The following PPFIA1 variants were observed in gnomAD, a reference collection of about 807,000 sequenced individuals.
The protein encoded by PPFIA1 is PPFI scaffold protein A1, also known as liprin-alpha-1.
A neutral mutation model predicts 149.9 loss-of-function variants in PPFIA1; 25 were observed. That is an observed-to-expected ratio of 0.17 (90% CI 0.12 to 0.23). The LOEUF is 0.23. Among genes scored for constraint, PPFIA1 ranks in the 10% least tolerant of loss-of-function variants. The pLI is 1.00. For synonymous variants in PPFIA1, 549 were observed against 552.8 expected (o/e 0.99, Z 0.10); for missense variants, 1,362 against 1,506.5 (o/e 0.90, Z 1.59).
intron 26 of PPFIA1, among the ~76,000 whole-genome samples, chr11:70,380,079 A>T (rs2057646835): frequency 6.6e-6 from 1 of 152,220 alleles, no homozygotes; most frequent in Non-Finnish European, 1.5e-5. Flanking sequence ...TTAAATGTTA[A>T]CAGGAATATT....
chr11:70,285,957 C>G (rs918526191), intron 2 of PPFIA1, among the ~76,000 whole-genome samples: 3 of 152,100 alleles, frequency 2.0e-5, no homozygotes, highest in Non-Finnish European at 2.9e-5. Context: ...TTACATAGTT[C>G]GGTTTGAGCA....
chr11:70,273,478 G>A (rs1288892950), intron 2 of PPFIA1, among the ~76,000 whole-genome samples: 2 of 152,096 alleles, frequency 1.3e-5, no homozygotes, highest in African/African-American at 4.8e-5. Context: ...CTGTCTAGGC[G>A]CCACGTTACT....
chr11:70,375,830 T>C (rs1565466743), intron 24 of PPFIA1, among the ~76,000 whole-genome samples: 3 of 151,888 alleles, frequency 2.0e-5, no homozygotes, highest in Admixed American at 2.0e-4. Context: ...TGAATATCTT[T>C]GGCCAATACC....
At chr11:70,357,632 G>A (rs1280352066) in intron 19 of PPFIA1, among the ~76,000 whole-genome samples, 4 of 147,790 alleles carry the variant, frequency 2.7e-5, no homozygotes, top group Non-Finnish European at 4.4e-5. Context: ...TGTCACCCAC[G>A]CTGGAGTGCA....
At chr11:70,302,265 T>C (rs958186054) in intron 2 of PPFIA1, among the ~76,000 whole-genome samples, 5 of 152,032 alleles carry the variant, frequency 3.3e-5, no homozygotes, top group African/African-American at 4.8e-5. Flanking sequence ...AGCCAGCAGC[T>C]TCGTAGGGTG....
At chr11:70,323,764 G>C (rs953738725) in intron 2 of PPFIA1, among the ~76,000 whole-genome samples, 2 of 152,216 alleles carry the variant, frequency 1.3e-5, no homozygotes, top group African/African-American at 4.8e-5. Flanking sequence ...TTCTTGTGCT[G>C]TCATGCTAGA....
intron 2 of PPFIA1, among the ~76,000 whole-genome samples, chr11:70,294,383 A>G (rs2051747862): frequency 1.3e-5 from 2 of 152,060 alleles, no homozygotes; most frequent in African/African-American, 4.8e-5. Flanking sequence ...CTGGGAAGGA[A>G]ATCCAGTGTT....
At chr11:70,299,076 T>C (rs1458444027) in intron 2 of PPFIA1, among the ~76,000 whole-genome samples, 1 of 151,902 alleles carries the variant, frequency 6.6e-6, no homozygotes, top group African/African-American at 2.4e-5. Context: ...CCGTCTCTAC[T>C]AAAAACACAA....
intron 21 of PPFIA1, among the ~76,000 whole-genome samples, chr11:70,368,441 A>G (rs143091054): frequency 8.5e-5 from 13 of 152,344 alleles, no homozygotes; most frequent in African/African-American, 2.6e-4. Context: ...GAGAGTCACT[A>G]CAAAGATACC....
intron 1 of PPFIA1, 139 bp from the exon 2 acceptor site, chr11:70,272,033 CT>C: frequency 1.0e-6 from 1 of 968,100 alleles, no homozygotes. Flanking sequence ...GTTTTCCCAG[CT>C]TATTTACACA....
chr11:70,316,444 A>G (rs2053632594), intron 2 of PPFIA1, among the ~76,000 whole-genome samples: 1 of 152,250 alleles, frequency 6.6e-6, no homozygotes, highest in African/African-American at 2.4e-5. Flanking sequence ...GCAAAAGGTT[A>G]GTGAAATGTT....
intron 2 of PPFIA1, among the ~76,000 whole-genome samples, chr11:70,286,071 C>G (rs2051098098): frequency 6.6e-6 from 1 of 152,084 alleles, no homozygotes; most frequent in Non-Finnish European, 1.5e-5. Flanking sequence ...TTTCAGCTGC[C>G]CACTGTACTC....
At chr11:70,275,809 T>A (rs1054554514) in intron 2 of PPFIA1, among the ~76,000 whole-genome samples, 1 of 152,160 alleles carries the variant, frequency 6.6e-6, no homozygotes, top group African/African-American at 2.4e-5. Flanking sequence ...ATAGATATAG[T>A]CTGTCTTGAG....
chr11:70,355,170 T>C (rs2056290784), intron 17 of PPFIA1, among the ~76,000 whole-genome samples: 1 of 152,326 alleles, frequency 6.6e-6, no homozygotes, highest in South Asian at 2.1e-4. Flanking sequence ...CCCAAAATGC[T>C]GGGATTACAG....
intron 7 of PPFIA1, among the ~76,000 whole-genome samples, chr11:70,329,155 C>T (rs572031681): frequency 7.9e-5 from 12 of 152,250 alleles, no homozygotes; most frequent in Non-Finnish European, 1.5e-4. Context: ...TGAGAGAGGC[C>T]GCACCCTGTC....
intron 2 of PPFIA1, among the ~76,000 whole-genome samples, chr11:70,289,601 TTGTAACATAACCAAAG>T (rs1435783183): frequency 6.6e-6 from 1 of 152,258 alleles, no homozygotes; most frequent in African/African-American, 2.4e-5. Flanking sequence ...AAACAATTTG[TTGTAACATAACCAAAG>T]TAATTACCAA....
At chr11:70,271,683 C>A (rs938737710) in intron 1 of PPFIA1, among the ~76,000 whole-genome samples, 1 of 152,182 alleles carries the variant, frequency 6.6e-6, no homozygotes, top group African/African-American at 2.4e-5. Flanking sequence ...GCTGACTGCA[C>A]ACATTCCTGC....
intron 14 of PPFIA1, among the ~76,000 whole-genome samples, chr11:70,340,337 G>A (rs1327851628): frequency 1.3e-5 from 2 of 152,024 alleles, no homozygotes; most frequent in Non-Finnish European, 2.9e-5. Context: ...TATTCTTGGG[G>A]CTGGGGTAGA....
At chr11:70,328,874 CTT>C (rs1020989866) in intron 7 of PPFIA1, among the ~76,000 whole-genome samples, 2 of 152,140 alleles carry the variant, frequency 1.3e-5, no homozygotes, top group African/African-American at 4.8e-5. Context: ...ACTTTGCTAA[CTT>C]TAGTCATTTT....
Sources: gnomAD v4.1 joint callset for allele counts (sites outside exome capture counted in the v4.1 genomes callset) on GRCh38, gnomAD v4.1.1 for gene constraint, MANE v1.5 for transcripts, NCBI Gene and HGNC (gene_info 2026-07-23, HGNC 2026-07-21) for gene names.